TTC17: variants seen among roughly 807,000 people sequenced by gnomAD.
TTC17 encodes the protein tetratricopeptide repeat domain 17, also known as tetratricopeptide repeat protein 17.
A neutral mutation model predicts 143.8 loss-of-function variants in TTC17; 58 were observed. That is an observed-to-expected ratio of 0.40 (90% confidence interval 0.33 to 0.50). The LOEUF (loss-of-function observed/expected upper bound fraction) is 0.50, where lower values mean the gene tolerates loss of function less well. Among genes scored for constraint, TTC17 ranks in the 20% least tolerant of loss-of-function variants. The probability of loss-of-function intolerance (pLI) is 0.49; values close to 1 mark genes in which losing one functional copy is unlikely to be tolerated. For missense variants in TTC17, 1,273 were observed against 1,392.5 expected, an observed-to-expected ratio of 0.91 and a Z score of 1.37; for synonymous variants, 501 against 497.8, an observed-to-expected ratio of 1.01 and a Z score of -0.09.
intron 4 of TTC17, 114 bp from the exon 5 acceptor site, chr11:43,391,707 A>T: frequency 2.9e-6 from 4 of 1,376,706 alleles, no homozygotes; most frequent in South Asian, 2.8e-5. Flanking sequence ...GACATCTCTT[A>T]TTTCTTAAAA....
intron 5 of TTC17, chr11:43,396,012 C>G (rs1590350857): frequency 6.6e-6 from 1 of 152,090 alleles, no homozygotes; most frequent in Non-Finnish European, 1.5e-5. Context: ...ATTTTTAAAG[C>G]TTTTTACATA....
At chr11:43,476,865 T>G (rs1190819138) in intron 21 of TTC17, among the ~76,000 whole-genome samples, 5 of 151,604 alleles carry the variant, frequency 3.3e-5, no homozygotes, top group African/African-American at 1.2e-4. Context: ...TTATGCAGAT[T>G]TCTGCAGCTG....
At chr11:43,421,024 T>G (rs1809060192) in intron 16 of TTC17, among the ~76,000 whole-genome samples, 3 of 152,310 alleles carry the variant, frequency 2.0e-5, no homozygotes, top group Admixed American at 2.0e-4. Flanking sequence ...TATATGCCAG[T>G]CACTATTCTA....
At chr11:43,456,660 A>G (rs1227269229) in intron 21 of TTC17, among the ~76,000 whole-genome samples, 1 of 152,174 alleles carries the variant, frequency 6.6e-6, no homozygotes, top group African/African-American at 2.4e-5. Context: ...GGTGATTGCC[A>G]GCTGTGTCTC....
At chr11:43,466,656 C>A in intron 21 of TTC17, 1 of 353,216 alleles carries the variant, frequency 2.8e-6, no homozygotes. Flanking sequence ...TATTGTGAAG[C>A]ATACAGGTCT....
intron 6 of TTC17, 65 bp downstream of exon 6, chr11:43,396,883 A>C: frequency 2.1e-6 from 2 of 965,188 alleles, no homozygotes; most frequent in Non-Finnish European, 3.1e-6. Context: ...GAAACAATAC[A>C]TAAGAAAGCA....
chr11:43,394,396 G>A (rs1475272440), intron 5 of TTC17, among the ~76,000 whole-genome samples: 1 of 152,184 alleles, frequency 6.6e-6, no homozygotes, highest in East Asian at 1.9e-4. Context: ...TATTGAAGGG[G>A]CCACAACTGG....
At chr11:43,451,762 G>A (rs1947661570) in intron 21 of TTC17, among the ~76,000 whole-genome samples, 2 of 152,204 alleles carry the variant, frequency 1.3e-5, no homozygotes, top group Admixed American at 1.3e-4. Flanking sequence ...TGATATTTGT[G>A]TAAAGAGGAG....
At chr11:43,409,719 G>A (rs920236185) in intron 15 of TTC17, among the ~76,000 whole-genome samples, 38 of 152,292 alleles carry the variant, frequency 2.5e-4, no homozygotes, top group African/African-American at 6.3e-4. Context: ...TACTCTAGTC[G>A]TGTTATACTA....
At chr11:43,377,301 A>T (rs75658638) in intron 1 of TTC17, among the ~76,000 whole-genome samples, 2,927 of 152,286 alleles carry the variant, frequency 0.019, 82 homozygotes, top group African/African-American at 0.064. Context: ...TAAAAAAAAA[A>T]ATATAGTATT....
At chr11:43,474,326 G>A (rs1948145809) in intron 21 of TTC17, among the ~76,000 whole-genome samples, 1 of 152,076 alleles carries the variant, frequency 6.6e-6, no homozygotes, top group African/African-American at 2.4e-5. Context: ...AAAATGGCAA[G>A]GGAAGAGTGG....
In TTC17 at chr11:43,403,964, T is replaced by C. The variant is rs183555423; in HGVS notation, c.1333-34T>C. The C allele has an allele frequency of 2.5e-3, 3,806 of 1,552,404 alleles. 6 individuals are homozygous for C. Among genetic ancestry groups the C allele is most frequent in the Non-Finnish European group, 2.9e-3 (3,309 of 1,148,588 alleles). On this transcript the variant is annotated intron_variant, in intron 10 of 23. Coordinates refer to ENST00000039989, the MANE Select transcript of TTC17 (RefSeq NM_018259.6). ...TATAATCACAACTCCTTTTCCACTT[T>C]CAATTTGATTGAACTTTTTGTTTCA...
chr11:43,378,701 T>C (rs1411129591), intron 1 of TTC17, among the ~76,000 whole-genome samples: 4 of 152,244 alleles, frequency 2.6e-5, no homozygotes, highest in African/African-American at 9.6e-5. Context: ...TCATTTTTTC[T>C]ACAGCTTCAA....
chr11:43,466,732 C>T (rs755504522), intron 21 of TTC17: 3 of 326,708 alleles, frequency 9.2e-6, no homozygotes, highest in African/African-American at 2.2e-5. Flanking sequence ...ATCTGCACTG[C>T]CATGGCCAAA....
At chr11:43,490,389 GC>G (rs1258650308) in intron 22 of TTC17, 31 bp downstream of exon 22, 2 of 1,580,926 alleles carry the variant, frequency 1.3e-6, no homozygotes, top group African/African-American at 2.7e-5. Context: ...GGGAACTTCT[GC>G]CCCTTTGTCC....
At chr11:43,388,415 G>A (rs1208379544) in intron 2 of TTC17, among the ~76,000 whole-genome samples, 5 of 151,238 alleles carry the variant, frequency 3.3e-5, no homozygotes, top group East Asian at 1.9e-4. Flanking sequence ...TAAGAGTAAT[G>A]TAGTATTTTA....
intron 21 of TTC17, among the ~76,000 whole-genome samples, chr11:43,477,207 A>G (rs1364573113): frequency 1.3e-5 from 2 of 152,146 alleles, no homozygotes; most frequent in East Asian, 1.9e-4. Context: ...TATTGTCCAT[A>G]TTGCTATCAG....
At position 43,384,903 on chromosome 11, in the gene TTC17, A is replaced by G. The variant is rs143879020; in HGVS notation, c.250-4749A>G. 3.2e-4 allele frequency among the ~76,000 whole-genome samples: 49 copies of G among 152,338 alleles called. No homozygotes were observed. In the Middle Eastern group the frequency reaches 0.01, roughly 32 times the overall value. On this transcript the variant is annotated intron_variant, in intron 2 of 23. Coordinates refer to ENST00000039989, the MANE Select transcript of TTC17 (RefSeq NM_018259.6). ...AGGTTTTCAGAATTTTAGATTTACA[A>G]TGGTAAAGAACAGTGGGCCTGTCTC...
chr11:43,365,383 C>T (rs1198812137), intron 1 of TTC17, among the ~76,000 whole-genome samples: 2 of 152,200 alleles, frequency 1.3e-5, no homozygotes, highest in Non-Finnish European at 2.9e-5. Context: ...ATCCTCCCGC[C>T]TCAGCCTCCC....
Sources: gnomAD v4.1 joint callset for allele counts (sites outside exome capture counted in the v4.1 genomes callset) on GRCh38, gnomAD v4.1.1 for gene constraint, MANE v1.5 for transcripts, NCBI Gene and HGNC (gene_info 2026-07-23, HGNC 2026-07-21) for gene names.